Variants in ADAMTSL1 observed in about 807,000 individuals in gnomAD.
ADAMTSL1 encodes the protein ADAMTS like 1.
Under a neutral mutation model 201.8 loss-of-function variants are expected in ADAMTSL1, and 126 were observed. That is an observed-to-expected ratio of 0.62 (90% CI 0.54 to 0.72). The LOEUF is 0.72. Among genes scored for constraint, ADAMTSL1 ranks in the 30% least tolerant of loss-of-function variants. The probability of loss-of-function intolerance (pLI) is 0.00; values close to 1 mark genes in which losing one functional copy is unlikely to be tolerated. For missense variants in ADAMTSL1, 2,679 were observed against 2,277.8 expected, an observed-to-expected ratio of 1.18 and a Z score of -3.59; for synonymous variants, 1,121 against 903.4, an observed-to-expected ratio of 1.24 and a Z score of -4.32.
intron 1 of ADAMTSL1, among the ~76,000 whole-genome samples, chr9:18,052,677 C>T (rs1586952617): frequency 6.6e-6 from 1 of 152,028 alleles, no homozygotes; most frequent in African/African-American, 2.4e-5. Flanking sequence ...AGCAATGGTG[C>T]AAAGTAGAAA....
chr9:18,905,105 C>T (rs1830229611), intron 26 of ADAMTSL1, among the ~76,000 whole-genome samples: 1 of 152,176 alleles, frequency 6.6e-6, no homozygotes, highest in Non-Finnish European at 1.5e-5. Flanking sequence ...TGCGTATCCT[C>T]TTGTTTTACT....
intron 1 of ADAMTSL1, among the ~76,000 whole-genome samples, chr9:18,038,865 C>G (rs181646683): frequency 6.6e-6 from 1 of 152,268 alleles, no homozygotes; most frequent in East Asian, 1.9e-4. Flanking sequence ...TTTACCAGTA[C>G]CATAACTTCC....
intron 1 of ADAMTSL1, among the ~76,000 whole-genome samples, chr9:18,134,714 C>T (rs186076418): frequency 2.8e-4 from 43 of 152,180 alleles, no homozygotes; most frequent in Admixed American, 1.1e-3. Context: ...AAGTCATTAT[C>T]GAATATAGGG....
chr9:18,586,547 C>G (rs1450907919), intron 4 of ADAMTSL1, among the ~76,000 whole-genome samples: 1 of 152,018 alleles, frequency 6.6e-6, no homozygotes, highest in Non-Finnish European at 1.5e-5. Context: ...CAATGTTATT[C>G]CTATCAAACT....
chr9:18,448,057 A>T (rs1448115701), intron 2 of ADAMTSL1, among the ~76,000 whole-genome samples: 1 of 152,078 alleles, frequency 6.6e-6, no homozygotes, highest in African/African-American at 2.4e-5. Flanking sequence ...CTCTGCCATA[A>T]AGTATTTGCC....
intron 1 of ADAMTSL1, among the ~76,000 whole-genome samples, chr9:18,024,700 C>G (rs939161676): frequency 6.6e-6 from 1 of 151,922 alleles, no homozygotes; most frequent in African/African-American, 2.4e-5. Context: ...ATGTCTTTGC[C>G]CTTGTGCATA....
At chr9:18,183,850 T>C (rs1053560918) in intron 2 of ADAMTSL1, among the ~76,000 whole-genome samples, 11 of 152,318 alleles carry the variant, frequency 7.2e-5, no homozygotes, top group African/African-American at 2.6e-4. Flanking sequence ...TATGGATAAC[T>C]TTTCTATTAT....
chr9:18,508,129 G>T (rs1303986641), intron 2 of ADAMTSL1, among the ~76,000 whole-genome samples: 1 of 151,494 alleles, frequency 6.6e-6, no homozygotes, highest in African/African-American at 2.4e-5. Context: ...AGGTTGCAGT[G>T]AGCCAAGATC....
At chr9:18,471,614 A>G (rs1217970430), upstream of ADAMTSL1, among the ~76,000 whole-genome samples, 2 of 152,142 alleles carry the variant, frequency 1.3e-5, no homozygotes, top group Non-Finnish European at 2.9e-5. Context: ...TAAATTTGTA[A>G]TTTCACCTGT....
At chr9:18,199,418 C>T (rs1180570351) in intron 2 of ADAMTSL1, among the ~76,000 whole-genome samples, 3 of 151,952 alleles carry the variant, frequency 2.0e-5, no homozygotes, top group Non-Finnish European at 4.4e-5. Flanking sequence ...CAATTGATCA[C>T]TAAATGGAGC....
chr9:18,291,075 C>T (rs574874620), intron 2 of ADAMTSL1, among the ~76,000 whole-genome samples: 33 of 152,248 alleles, frequency 2.2e-4, no homozygotes, highest in African/African-American at 6.7e-4. Context: ...GCCACCGCAC[C>T]CGGGCCACTA....
At chr9:17,949,303 C>T (rs571348273) in intron 1 of ADAMTSL1, among the ~76,000 whole-genome samples, 1 of 152,224 alleles carries the variant, frequency 6.6e-6, no homozygotes, top group Admixed American at 6.6e-5. Context: ...AGGTGGTAGC[C>T]AAGCCTGAGT....
At chr9:18,078,288 T>G (rs892540461) in intron 1 of ADAMTSL1, among the ~76,000 whole-genome samples, 1 of 152,158 alleles carries the variant, frequency 6.6e-6, no homozygotes, top group African/African-American at 2.4e-5. Flanking sequence ...CTGCCACAGA[T>G]AGAAAATTCT....
intron 23 of ADAMTSL1, among the ~76,000 whole-genome samples, chr9:18,868,335 C>T (rs905939758): frequency 1.3e-5 from 2 of 151,972 alleles, no homozygotes; most frequent in Non-Finnish European, 2.9e-5. Context: ...TTATGTATTA[C>T]ATTTTCCTCC....
At chr9:18,156,320 G>A (rs555240317) in intron 1 of ADAMTSL1, among the ~76,000 whole-genome samples, 3 of 152,084 alleles carry the variant, frequency 2.0e-5, no homozygotes, top group African/African-American at 7.2e-5. Flanking sequence ...AAACTAAGCA[G>A]GGGTGAAGAA....
intron 1 of ADAMTSL1, among the ~76,000 whole-genome samples, chr9:18,033,975 C>T (rs1821087863): frequency 6.6e-6 from 1 of 152,108 alleles, no homozygotes; most frequent in Non-Finnish European, 1.5e-5. Flanking sequence ...TTGTACTTTT[C>T]TTCCCTCCTC....
intron 2 of ADAMTSL1, among the ~76,000 whole-genome samples, chr9:18,398,182 C>T (rs1228591212): frequency 6.6e-6 from 1 of 152,186 alleles, no homozygotes; most frequent in Non-Finnish European, 1.5e-5. Context: ...TTCTCATTCA[C>T]ATTGAATGGT....
intron 2 of ADAMTSL1, among the ~76,000 whole-genome samples, chr9:18,251,359 T>G (rs1831459757): frequency 6.6e-6 from 1 of 152,144 alleles, no homozygotes; most frequent in Non-Finnish European, 1.5e-5. Flanking sequence ...ACAAGAAAGT[T>G]TTATCGAGTC....
chr9:17,926,869 A>G (rs556978561), intron 1 of ADAMTSL1, among the ~76,000 whole-genome samples: 1 of 152,148 alleles, frequency 6.6e-6, no homozygotes, highest in African/African-American at 2.4e-5. Context: ...TCTTTATCTT[A>G]CCCATTAAAA....
Sources: gnomAD v4.1 joint callset for allele counts (sites outside exome capture counted in the v4.1 genomes callset) on GRCh38, gnomAD v4.1.1 for gene constraint, MANE v1.5 for transcripts, NCBI Gene and HGNC (gene_info 2026-07-23, HGNC 2026-07-21) for gene names.